Variants in IRS2 observed in about 807,000 individuals in gnomAD.
The protein encoded by IRS2 is insulin receptor substrate 2.
Under a neutral mutation model 70.9 loss-of-function variants are expected in IRS2, and 28 were observed. That is an observed-to-expected ratio of 0.39 (90% CI 0.29 to 0.54). The LOEUF (loss-of-function observed/expected upper bound fraction) is 0.54. Among genes scored for constraint, IRS2 ranks in the 20% least tolerant of loss-of-function variants. The pLI is 0.59. For missense variants in IRS2, 2,081 were observed against 2,024.1 expected (o/e 1.03, Z -0.54); for synonymous variants, 1,217 against 981.9 (o/e 1.24, Z -4.48).
At chr13:109,781,680 A>T (rs1286052273) in intron 1 of IRS2, among the ~76,000 whole-genome samples, 1 of 152,116 alleles carries the variant, frequency 6.6e-6, no homozygotes, top group Non-Finnish European at 1.5e-5. Context: ...GGACCCACGC[A>T]GCCGGATGAA....
In IRS2 at chr13:109,783,640, G is replaced by A; in HGVS notation, c.2414C>T (p.Ser805Phe). 1.3e-6 allele frequency: 2 copies of A among 1,552,436 alleles called. No individual in the cohort carries two copies. The highest frequency in any genetic ancestry group is 1.7e-6 in the Non-Finnish European group (2 of 1,147,322). Residue 805 changes from serine (S) to phenylalanine (F), a missense_variant, in exon 1 of 2, where the codon TCC becomes TTC. By Grantham distance (155) the Ser-to-Phe change is radical (BLOSUM62 -2). This residue lies in a region of IRS2 where 1,615 missense variants were observed against 1,459.5 expected (regional missense o/e 1.11). Coordinates refer to ENST00000375856, the MANE Select transcript of IRS2 (RefSeq NM_003749.3). ...GGGGGCCTTGTAGGAGCGGGGCAAG[G>A]AGCTGTAGCAGCAGCCGGGAACGCC... ...LRGVPGCCYS[S>F]LPRSYKAPYT...
intron 1 of IRS2, among the ~76,000 whole-genome samples, chr13:109,773,700 C>T (rs982859074): frequency 2.0e-5 from 3 of 152,210 alleles, no homozygotes; most frequent in Non-Finnish European, 4.4e-5. Context: ...TGATTTATAA[C>T]GCGTTTCTTC....
chr13:109,769,406 G>A (rs1319506240), intron 1 of IRS2, among the ~76,000 whole-genome samples: 1 of 152,034 alleles, frequency 6.6e-6, no homozygotes, highest in Non-Finnish European at 1.5e-5. Context: ...TTTCTCCTTT[G>A]AGCCTTAGCT....
intron 1 of IRS2, among the ~76,000 whole-genome samples, chr13:109,768,365 T>C (rs1342966275): frequency 6.6e-6 from 1 of 152,214 alleles, no homozygotes; most frequent in Non-Finnish European, 1.5e-5. Flanking sequence ...AAACATGCAC[T>C]TTCCTCACCA....
rs1263611702 is a variant in IRS2 at position 109,784,108 on chromosome 13, G to A, written c.1946C>T (p.Ala649Val). The change falls in exon 1 of 2, where the codon GCA (alanine) becomes GTA (valine). Residue 649 changes from alanine to valine, a missense_variant. By Grantham distance (64) the Ala-to-Val change is moderately conservative. Transcript: ENST00000375856. This position sits in a 1 kb window ranked among gnomAD's most constrained non-coding sequence, Gnocchi z 5.2. ...CGTCATGGGCATGTAGCCGTCGTCT[G>A]CCCCCAGGTTGCTGCTGGAGCTCCT... Reference protein sequence around the residue: ...SHRSSSSNLGADDGYMPMTPG... With the variant: ...SHRSSSSNLGVDDGYMPMTPG... 3.1e-6 allele frequency: 5 copies of A among 1,594,362 alleles called. No homozygotes were observed. The East Asian group carries it at 9.0e-5, about 29-fold the overall frequency.
chr13:109,755,266 C>T lies in IRS2; in HGVS notation c.*1038G>A, dbSNP rs1218155063. ...TGTTCAGGGCAGCCTCACTGGTTGA[C>T]ATAATAACATTTTATTAAAGATAAT... On this transcript the variant is annotated 3_prime_UTR_variant, in exon 2 of 2. Transcript: ENST00000375856. 9 of 208,924 alleles carry T rather than the reference C, an allele frequency of 4.3e-5. No homozygotes were observed. In the East Asian group the frequency reaches 6.0e-4, roughly 14 times the overall value. The allele number at this position is 208,924 out of a possible 1,614,324, so 12.9% of individuals were successfully genotyped here.
chr13:109,760,455 C>T (rs899612398), intron 1 of IRS2, among the ~76,000 whole-genome samples: 22 of 152,236 alleles, frequency 1.4e-4, no homozygotes, highest in African/African-American at 5.3e-4. Flanking sequence ...GAAATCCATC[C>T]ACAGACGTAT....
chr13:109,786,342 G>A lies in IRS2; in HGVS notation c.-289C>T, dbSNP rs1401597842. On this transcript the variant is annotated 5_prime_UTR_variant, in exon 1 of 2. Coordinates refer to ENST00000375856, the MANE Select transcript of IRS2 (RefSeq NM_003749.3). The surrounding 1 kb of genome is among the most constrained non-coding windows in gnomAD (Gnocchi z 4.4). Reference sequence around the variant, plus strand: ...CGGCCGCTGCCTCCTCGGGCTCTCGGGCGGCGCCGGGGGACGCGCTCGCTG... The same window carrying A: ...CGGCCGCTGCCTCCTCGGGCTCTCGAGCGGCGCCGGGGGACGCGCTCGCTG... The A allele has an allele frequency of 5.4e-5, 8 of 147,000 alleles. No homozygotes were observed. The highest frequency in any genetic ancestry group is 2.0e-4 in the African/African-American group (8 of 40,898). The allele number at this position is 147,000 out of a possible 1,614,324, so 9.1% of individuals were successfully genotyped here. A position where few individuals can be genotyped will look rare whatever the true frequency, so the allele number is the denominator to read the frequency against.
chr13:109,753,918 A>G lies in IRS2; in HGVS notation c.*2386T>C, dbSNP rs189124165. The G allele has an allele frequency of 1.2e-4, 28 of 231,864 alleles. No individual in the cohort carries two copies. The East Asian group carries it at 1.6e-3, about 13-fold the overall frequency. The allele number at this position is 231,864 out of a possible 1,614,324, so 14.4% of individuals were successfully genotyped here. On this transcript the variant is annotated 3_prime_UTR_variant, in exon 2 of 2. Coordinates refer to ENST00000375856, the MANE Select transcript of IRS2 (RefSeq NM_003749.3). ...CCATGATCAATACAGACTAAATACA[A>G]TGCACTATTCTAGTCCAGTTTATTC...
chr13:109,764,428 A>C (rs1288239424), intron 1 of IRS2, among the ~76,000 whole-genome samples: 1 of 152,226 alleles, frequency 6.6e-6, no homozygotes, highest in Non-Finnish European at 1.5e-5. Flanking sequence ...CAGTGGAGTC[A>C]CAGGGAACCT....
At chr13:109,763,833 A>G (rs1227353110) in intron 1 of IRS2, among the ~76,000 whole-genome samples, 1 of 152,260 alleles carries the variant, frequency 6.6e-6, no homozygotes, top group African/African-American at 2.4e-5. Flanking sequence ...AAGAGAATGT[A>G]GAATAATTAT....
chr13:109,785,987 T>C lies in IRS2; in HGVS notation c.67A>G (p.Asn23Asp). The stretch of plus-strand genomic sequence containing the variant: ...ACGCTGTGGTTGTTGTTGTTGTTGT[T>C]GTTGTTGAGGTTGGGGCCGTCTCCG... ...ASGDGPNLNN[N>D]NNNNNHSVRK... The change falls in exon 1 of 2, where the codon AAC becomes GAC. Residue 23 changes from asparagine (N) to aspartate (D), a missense_variant. Physicochemically the swap from Asn to Asp is conservative, Grantham distance 23. Transcript: ENST00000375856. This position sits in a 1 kb window ranked among gnomAD's most constrained non-coding sequence, Gnocchi z 9.3. 6.8e-7 allele frequency: 1 copy of C among 1,481,252 alleles called. No homozygotes were observed. The highest frequency in any genetic ancestry group is 8.9e-7 in the Non-Finnish European group (1 of 1,121,664). The allele number at this position is 1,481,252 out of a possible 1,614,324, so 91.8% of individuals were successfully genotyped here.
In IRS2 at chr13:109,782,762, C is replaced by T. The variant is rs750829685; in HGVS notation, c.3292G>A (p.Val1098Met). 2.4e-5 allele frequency: 38 copies of T among 1,602,354 alleles called. No individual in the cohort carries two copies. In the Admixed American group the frequency reaches 5.6e-4, roughly 24 times the overall value. The change falls in exon 1 of 2, where the codon GTG becomes ATG. Residue 1098 changes from valine (V) to methionine (M), a missense_variant. By Grantham distance (21) the Val-to-Met change is conservative. Coordinates refer to ENST00000375856, the MANE Select transcript of IRS2 (RefSeq NM_003749.3). ...TTCACGCCCGACGTCGGGCTGGCCA[C>T]GCGGGCAGCTTCTGGCTTCGGGGGG... ...AAPPKPEAAR[V>M]ASPTSGVKRL... is the part of the protein sequence containing the mutation.
chr13:109,782,264 G>C lies in IRS2; in HGVS notation c.3790C>G (p.Leu1264Val). The C allele has an allele frequency of 6.2e-7, 1 of 1,608,862 alleles. No homozygotes were observed. Among genetic ancestry groups the C allele is most frequent in the Non-Finnish European group, 8.5e-7 (1 of 1,178,324 alleles). ...IAIDVREEPG[L>V]PPQPQPPPPP... ...GGCGGCGGCTGCGGCTGGGGTGGCAGCCCGGGCTCCTCCCTCACGTCGATG... is the reference window on the plus strand; with the variant it reads ...GGCGGCGGCTGCGGCTGGGGTGGCACCCCGGGCTCCTCCCTCACGTCGATG... Residue 1264 changes from leucine to valine, a missense_variant, in exon 1 of 2, where the codon CTG (leucine) becomes GTG (valine). Transcript: ENST00000375856.
In IRS2 at chr13:109,784,644, C is replaced by A. The variant is rs1399641813; in HGVS notation, c.1410G>T (p.Pro470=). The A allele has an allele frequency of 1.6e-6, 2 of 1,268,896 alleles. No individual in the cohort carries two copies. Among genetic ancestry groups the A allele is most frequent in the Non-Finnish European group, 2.0e-6 (2 of 1,010,794 alleles). 78.6% of individuals were successfully genotyped at this position (1,268,896 alleles called of 1,614,324 possible). A position where few individuals can be genotyped will look rare whatever the true frequency, so the allele number is the denominator to read the frequency against. The change falls in exon 1 of 2, where the codon CCG becomes CCT. Residue 470 remains proline, a synonymous_variant. Coordinates refer to ENST00000375856, the MANE Select transcript of IRS2 (RefSeq NM_003749.3). This position sits in a 1 kb window ranked among gnomAD's most constrained non-coding sequence, Gnocchi z 5.2. ...GGCCGGGGCCGTGGTGCAGCGGATG[C>A]GGCAGAGGCGGGTGCGGGCCGGGCG... ...PPPPGPHPPL[P]HPLHHGPGQR...
intron 1 of IRS2, among the ~76,000 whole-genome samples, chr13:109,761,482 A>G (rs2138912421): frequency 6.6e-6 from 1 of 151,708 alleles, no homozygotes; most frequent in East Asian, 1.9e-4. Context: ...TAAACACAGA[A>G]TTACAAGGGA....
rs1877742362 is a variant in IRS2, at chr13:109,782,562, G to A, written c.3492C>T (p.Ser1164=). Residue 1164 remains serine, a synonymous_variant, in exon 1 of 2, where the codon TCC becomes TCT. Transcript: ENST00000375856. ...STTTVTPVSP[S]FAHNPKRHNS... ...TGTGGCGCTTGGGGTTGTGGGCGAAGGACGGGGACACGGGGGTGACCGTCG... is the reference window on the plus strand; with the variant it reads ...TGTGGCGCTTGGGGTTGTGGGCGAAAGACGGGGACACGGGGGTGACCGTCG... 1.3e-6 allele frequency: 2 copies of A among 1,567,292 alleles called. No individual in the cohort carries two copies. Among genetic ancestry groups the A allele is most frequent in the Non-Finnish European group, 8.6e-7 (1 of 1,156,396 alleles).
Position 109,784,137 on chromosome 13 carries a change from G to T in IRS2, c.1917C>A (p.Ser639=). ...PEDYGDIEIG[S]HRSSSSNLGA... ...CCAGGTTGCTGCTGGAGCTCCTGTG[G>T]GAGCCGATCTCGATGTCTCCGTAGT... is the stretch of plus-strand genomic sequence containing the variant. The change falls in exon 1 of 2, where the codon TCC becomes TCA. Residue 639 remains serine, a synonymous_variant. Transcript: ENST00000375856. This position sits in a 1 kb window ranked among gnomAD's most constrained non-coding sequence, Gnocchi z 5.2. 1 of 1,593,908 alleles carries T rather than the reference G, an allele frequency of 6.3e-7. No individual in the cohort carries two copies.
intron 1 of IRS2, among the ~76,000 whole-genome samples, chr13:109,772,391 T>C (rs1397756954): frequency 1.3e-5 from 2 of 152,164 alleles, no homozygotes; most frequent in Non-Finnish European, 2.9e-5. Flanking sequence ...CCTGACTAAA[T>C]TGGTGGGTGC....
Sources: allele counts gnomAD v4.1 joint callset (sites outside exome capture counted in the v4.1 genomes callset), GRCh38; gene constraint gnomAD v4.1.1; regional missense constraint gnomAD v4.1.1; non-coding constraint Gnocchi (gnomAD v3.1); transcripts MANE v1.5; gene names NCBI Gene and HGNC (gene_info 2026-07-23, HGNC 2026-07-21).